The following ZNF653 variants were observed in gnomAD, a reference collection of about 807,000 sequenced individuals.
ZNF653 encodes zinc finger protein 653.
A neutral mutation model predicts 59.9 loss-of-function variants in ZNF653; 37 were observed. The observed-to-expected ratio is 0.62, with a 90% CI of 0.48 to 0.81. The LOEUF is 0.81. Among genes scored for constraint, ZNF653 ranks in the 40% least tolerant of loss-of-function variants. ZNF653 has a pLI of 0.00. For synonymous variants in ZNF653, 435 were observed against 371.8 expected (o/e 1.17, Z -1.96); for missense variants, 808 against 881.1 (o/e 0.92, Z 1.05).
intron 1 of ZNF653, among the ~76,000 whole-genome samples, chr19:11,499,301 A>G (rs1003897983): frequency 2.0e-5 from 3 of 152,212 alleles, no homozygotes; most frequent in African/African-American, 7.2e-5. Context: ...GCCCTGTGTG[A>G]TCCTCTTCCC....
At chr19:11,484,527 C>T (rs1971444873) in intron 7 of ZNF653, among the ~76,000 whole-genome samples, 1 of 152,068 alleles carries the variant, frequency 6.6e-6, no homozygotes, top group African/African-American at 2.4e-5. Flanking sequence ...TCTGCCTCAG[C>T]CTCCTGAGTA....
At chr19:11,494,327 G>GATAACATAACATAACATAACATAAC (rs71166604) in intron 3 of ZNF653, among the ~76,000 whole-genome samples, 1 of 139,554 alleles carries the variant, frequency 7.2e-6, no homozygotes, top group Non-Finnish European at 1.5e-5. Context: ...GTCTCAAAAA[G>GATAACATAACATAACATAACATAAC]ATAACATAAC....
chr19:11,483,933 G>A, intron 8 of ZNF653, 74 bp from the exon 9 acceptor site: 2 of 1,516,986 alleles, frequency 1.3e-6, no homozygotes, highest in South Asian at 1.2e-5. Flanking sequence ...AAGGCCGAGC[G>A]CAGGTGGAAC....
chr19:11,505,667 C>A lies in ZNF653; in HGVS notation c.120G>T (p.Thr40=). 1 of 1,494,232 alleles carries A rather than the reference C, an allele frequency of 6.7e-7. No homozygotes were observed. Among genetic ancestry groups the A allele is most frequent in the Non-Finnish European group, 8.9e-7 (1 of 1,129,610 alleles). 92.6% of individuals were successfully genotyped at this position (1,494,232 alleles called of 1,614,324 possible). The change falls in exon 1 of 9, where the codon ACG becomes ACT. Residue 40 remains threonine, a synonymous_variant. Transcript: ENST00000293771. The stretch of plus-strand genomic sequence containing the variant: ...GCCGTCGCCGGGCCCGGTCCGACTC[C>A]GTGAGTCGCGGCCGGCCCCGCGCCT... The part of the protein sequence containing the change: ...GRKARGRPRL[T]ESDRARRRLE...
chr19:11,505,757 C>A lies in ZNF653; in HGVS notation c.30G>T (p.Ala10=), dbSNP rs765795775. 5.6e-6 allele frequency: 8 copies of A among 1,433,284 alleles called. No homozygotes were observed. The South Asian group carries it at 1.1e-4, about 20-fold the overall frequency. 88.8% of individuals were successfully genotyped at this position (1,433,284 alleles called of 1,614,324 possible). A position where few individuals can be genotyped will look rare whatever the true frequency, so the allele number is the denominator to read the frequency against. Residue 10 remains alanine, a synonymous_variant, in exon 1 of 9, where the codon GCG becomes GCT. Transcript: ENST00000293771. ...CCGCGCCCGCCTCAGCCTCCGCCTC[C>A]GCCTCGGGCTCTAGCGCCCGCTCCG... The part of the protein sequence containing the change: MAERALEPE[A]EAEAEAGAGG...
At chr19:11,498,993 G>A (rs1177382292) in intron 1 of ZNF653, among the ~76,000 whole-genome samples, 3 of 152,162 alleles carry the variant, frequency 2.0e-5, no homozygotes, top group Admixed American at 6.6e-5. Context: ...CCAAAGTGTT[G>A]GGATTACAGG....
At chr19:11,486,962 C>G (rs1288796171) in intron 5 of ZNF653, 25 bp downstream of exon 5, 2 of 1,612,350 alleles carry the variant, frequency 1.2e-6, no homozygotes, top group Non-Finnish European at 1.7e-6. Flanking sequence ...CCCTCGCCCT[C>G]ACCCTTGCCC....
chr19:11,503,910 C>T (rs960613167), intron 1 of ZNF653, among the ~76,000 whole-genome samples: 9 of 151,904 alleles, frequency 5.9e-5, no homozygotes, highest in African/African-American at 2.2e-4. Flanking sequence ...TTGAAATCAG[C>T]CTGGGCAACA....
intron 6 of ZNF653, among the ~76,000 whole-genome samples, chr19:11,486,524 G>A (rs1424819858): frequency 6.6e-6 from 1 of 152,224 alleles, no homozygotes. Flanking sequence ...GAACAACCCT[G>A]GCTCCAGCTT....
chr19:11,490,988 CT>C (rs909877826), intron 3 of ZNF653, among the ~76,000 whole-genome samples: 164 of 152,316 alleles, frequency 1.1e-3, no homozygotes, highest in African/African-American at 3.8e-3. Flanking sequence ...CACTTCCAAT[CT>C]GTCAGCAAAA....
Position 11,483,744 on chromosome 19 carries a change from C to T in ZNF653, c.1786G>A (p.Glu596Lys). Residue 596 changes from glutamate (E) to lysine (K), a missense_variant, in exon 9 of 9, where the codon GAG (glutamate) becomes AAG (lysine). Physicochemically the swap from Glu to Lys is moderately conservative, Grantham distance 56. Coordinates refer to ENST00000293771, the MANE Select transcript of ZNF653 (RefSeq NM_138783.4). ...FTCDRCGKRF[E>K]KLDSVKFHTL... ...TGGAACTTGACGCTGTCCAGCTTCT[C>T]GAAGCGCTTCCCGCAGCGATCGCAC... The T allele has an allele frequency of 6.2e-7, 1 of 1,613,686 alleles. No individual in the cohort carries two copies. Among genetic ancestry groups the T allele is most frequent in the Non-Finnish European group, 8.5e-7 (1 of 1,179,672 alleles).
chr19:11,492,926 T>C (rs1214596050), intron 3 of ZNF653, among the ~76,000 whole-genome samples: 2 of 152,190 alleles, frequency 1.3e-5, no homozygotes, highest in Admixed American at 6.5e-5. Flanking sequence ...TTTGTATTTT[T>C]AGTAGAGACC....
rs1642574860 is a variant in ZNF653, at chr19:11,495,315, A to C, written c.559+635T>G. ...ACCGCGAAGGTGGGGAGGGAGGAGG[A>C]GAAAGGGGAATAGAAGGAAACAAGA... On this transcript the variant is annotated intron_variant, in intron 3 of 8. Transcript: ENST00000293771. This position sits in a 1 kb window ranked among gnomAD's most constrained non-coding sequence, Gnocchi z 4.9. 6.6e-6 allele frequency among the ~76,000 whole-genome samples: 1 copy of C among 151,976 alleles called. No individual in the cohort carries two copies.
rs541998304 is a variant in ZNF653 at position 11,497,339 on chromosome 19, A to G, written c.343+957T>C. Among the ~76,000 whole-genome samples the G allele has an allele frequency of 3.9e-5, 6 of 152,322 alleles. 1 individual carries two copies. Among genetic ancestry groups the G allele is most frequent in the Admixed American group, 1.3e-4 (2 of 15,306 alleles). ...CAGGTGCTCCAGGAACATTTGCTGG[A>G]TGAGAGAACGCTGCATAGCGGGCGG... On this transcript the variant is annotated intron_variant, in intron 2 of 8. Coordinates refer to ENST00000293771, the MANE Select transcript of ZNF653 (RefSeq NM_138783.4).
Position 11,483,826 on chromosome 19 carries a change from G to A in ZNF653, c.1704C>T (p.Arg568=). 6.2e-7 allele frequency: 1 copy of A among 1,605,910 alleles called. No homozygotes were observed. The change falls in exon 9 of 9, where the codon CGC becomes CGT. Residue 568 remains arginine (R), a synonymous_variant. Coordinates refer to ENST00000293771, the MANE Select transcript of ZNF653 (RefSeq NM_138783.4). The part of the protein sequence containing the change: ...CEICGYQCRQ[R]ASLNWHMKKH... Reference sequence around the variant, plus strand: ...TCTTCATGTGCCAGTTGAGCGACGCGCGCTGCCGGCACTGGTAGCCACAGA... The same window carrying A: ...TCTTCATGTGCCAGTTGAGCGACGCACGCTGCCGGCACTGGTAGCCACAGA...
In ZNF653 at chr19:11,495,601, C is replaced by T. The variant is rs1199533128; in HGVS notation, c.559+349G>A. 1.2e-5 allele frequency: 4 copies of T among 346,582 alleles called. No individual in the cohort carries two copies. Among genetic ancestry groups the T allele is most frequent in the East Asian group, 7.1e-5 (1 of 14,110 alleles). The allele number at this position is 346,582 out of a possible 1,614,324, so 21.5% of individuals were successfully genotyped here. ...ATAAGGCCTGGGTGGTTTAGGCGGCCGTTTCGCTGTGGGGGCCGAGCCCTG... is the reference window on the plus strand; with the variant it reads ...ATAAGGCCTGGGTGGTTTAGGCGGCTGTTTCGCTGTGGGGGCCGAGCCCTG... On this transcript the variant is annotated intron_variant, in intron 3 of 8. Coordinates refer to ENST00000293771, the MANE Select transcript of ZNF653 (RefSeq NM_138783.4). This position sits in a 1 kb window ranked among gnomAD's most constrained non-coding sequence, Gnocchi z 4.9.
At chr19:11,490,590 A>C (rs1387126013) in intron 3 of ZNF653, among the ~76,000 whole-genome samples, 2 of 151,436 alleles carry the variant, frequency 1.3e-5, no homozygotes, top group African/African-American at 4.9e-5. Context: ...ATGGGTTTTC[A>C]TCATGTTGGT....
rs1971580797 is a variant in ZNF653 at position 11,495,828 on chromosome 19, C to T, written c.559+122G>A. ...GGCCCATCGTGTCCCTGCTCTGCCC[C>T]AGTGCCAGAGCCAGAGCCAGAGCCA... On this transcript the variant is annotated intron_variant, in intron 3 of 8. Coordinates refer to ENST00000293771, the MANE Select transcript of ZNF653 (RefSeq NM_138783.4). This position sits in a 1 kb window ranked among gnomAD's most constrained non-coding sequence, Gnocchi z 4.9. The T allele has an allele frequency of 9.5e-7, 1 of 1,049,368 alleles. No individual in the cohort carries two copies. 65.0% of individuals were successfully genotyped at this position (1,049,368 alleles called of 1,614,324 possible). A position where few individuals can be genotyped will look rare whatever the true frequency, so the allele number is the denominator to read the frequency against.
At position 11,486,752 on chromosome 19, in the gene ZNF653, C is replaced by G; in HGVS notation, c.1455+17G>C. On this transcript the variant is annotated intron_variant, in intron 6 of 8. Transcript: ENST00000293771. ...CCTTGTGGGCCTGGCCCAGGCTGCT[C>G]CGGGTGGCGGCCTCACCTGGAAGCT... The G allele has an allele frequency of 6.3e-7, 1 of 1,586,622 alleles. No homozygotes were observed. Among genetic ancestry groups the G allele is most frequent in the East Asian group, 2.3e-5 (1 of 42,976 alleles).
Sources: gnomAD v4.1 joint callset for allele counts (sites outside exome capture counted in the v4.1 genomes callset) on GRCh38, gnomAD v4.1.1 for gene constraint, Gnocchi (gnomAD v3.1) non-coding constraint, MANE v1.5 for transcripts, NCBI Gene and HGNC (gene_info 2026-07-23, HGNC 2026-07-21) for gene names.